BICRA: variants seen among roughly 807,000 people sequenced by gnomAD.
The protein encoded by BICRA is BRD4-interacting chromatin-remodeling complex-associated protein.
BICRA carries 31 observed loss-of-function variants against 96.9 expected under a neutral mutation model. That is an observed-to-expected ratio of 0.32 (90% confidence interval 0.24 to 0.43). The LOEUF (loss-of-function observed/expected upper bound fraction) is 0.43, where lower values mean the gene tolerates loss of function less well. Among genes scored for constraint, BICRA ranks in the 20% least tolerant of loss-of-function variants. The probability of loss-of-function intolerance (pLI) is 1.00; values close to 1 mark genes in which losing one functional copy is unlikely to be tolerated. For synonymous variants in BICRA, 1,350 were observed against 1,071.8 expected, an observed-to-expected ratio of 1.26 and a Z score of -5.07; for missense variants, 2,283 against 2,190.3, an observed-to-expected ratio of 1.04 and a Z score of -0.84.
At position 47,686,781 on chromosome 19, in the gene BICRA, G is replaced by GT. The variant is rs377294412; in HGVS notation, c.2283+4636dup. 3.0e-3 allele frequency among the ~76,000 whole-genome samples: 459 copies of GT among 152,120 alleles called. 5 individuals are homozygous for GT. The highest frequency in any genetic ancestry group is 0.011 in the African/African-American group (436 of 41,492). ...TAGGGGTGTGTTTTTATTTTTGGGGGTTTTTTTGCAAGCTACCATCTGGGA... is the reference window on the plus strand; with the variant it reads ...TAGGGGTGTGTTTTTATTTTTGGGGGTTTTTTTTGCAAGCTACCATCTGGGA... On this transcript the variant is annotated intron_variant, in intron 7 of 14. Transcript: ENST00000594866.
At chr19:47,618,552 G>A (rs1227017041) in intron 1 of BICRA, among the ~76,000 whole-genome samples, 1 of 152,068 alleles carries the variant, frequency 6.6e-6, no homozygotes, top group African/African-American at 2.4e-5. Context: ...CAGAGGAAGG[G>A]TTGATGCCCC....
intron 1 of BICRA, among the ~76,000 whole-genome samples, chr19:47,637,872 T>A (rs1395422159): frequency 2.0e-5 from 3 of 152,214 alleles, no homozygotes; most frequent in African/African-American, 4.8e-5. Flanking sequence ...CGATGCCTCA[T>A]TCCTTTTTAT....
chr19:47,682,144 G>C lies in BICRA; in HGVS notation c.2275G>C (p.Ala759Pro). Residue 759 changes from alanine to proline, a missense_variant, in exon 7 of 15, where the codon GCC becomes CCC. By Grantham distance (27) the Ala-to-Pro change is conservative (BLOSUM62 -1). Transcript: ENST00000594866. ...APDSQASPAP[A>P]PQIPAAAPLK... Reference sequence around the variant, plus strand: ...CGACAGCCAGGCTTCCCCGGCTCCGGCCCCCCAGGTAGAGGGACCCCAGCA... The same window carrying C: ...CGACAGCCAGGCTTCCCCGGCTCCGCCCCCCCAGGTAGAGGGACCCCAGCA... The C allele has an allele frequency of 6.9e-7, 1 of 1,458,878 alleles. No homozygotes were observed. The highest frequency in any genetic ancestry group is 9.3e-7 in the Non-Finnish European group (1 of 1,076,104). 90.4% of individuals were successfully genotyped at this position (1,458,878 alleles called of 1,614,324 possible).
At chr19:47,688,608 G>T (rs976018212) in intron 7 of BICRA, among the ~76,000 whole-genome samples, 2 of 151,706 alleles carry the variant, frequency 1.3e-5, no homozygotes, top group Non-Finnish European at 2.9e-5. Flanking sequence ...GGCCAACATG[G>T]TGAAACCCCG....
rs117366485 is a variant in BICRA at position 47,682,220 on chromosome 19, G to A, written c.2283+68G>A. On this transcript the variant is annotated intron_variant, in intron 7 of 14. Transcript: ENST00000594866. Reference sequence around the variant, plus strand: ...CCTCGCCCCTCCTGCCCGCTCTCCCGCTCCTCGCTCTCCGCCCTGCCTGCG... The same window carrying A: ...CCTCGCCCCTCCTGCCCGCTCTCCCACTCCTCGCTCTCCGCCCTGCCTGCG... The A allele has an allele frequency of 7.8e-3, 5,195 of 669,284 alleles. 152 individuals are homozygous for A. The highest frequency in any genetic ancestry group is 0.077 in the East Asian group (2,760 of 35,722). The allele number at this position is 669,284 out of a possible 1,614,324, so 41.5% of individuals were successfully genotyped here. A position where few individuals can be genotyped will look rare whatever the true frequency, so the allele number is the denominator to read the frequency against.
At chr19:47,667,088 G>T (rs1244011637) in intron 1 of BICRA, among the ~76,000 whole-genome samples, 3 of 149,790 alleles carry the variant, frequency 2.0e-5, no homozygotes, top group Middle Eastern at 3.5e-3. Context: ...GCACGATCTC[G>T]GCTCACTGCA....
chr19:47,694,296 GC>G lies in BICRA; in HGVS notation c.2471del (p.Pro824HisfsTer18), dbSNP rs1599864637. 3 of 628,894 alleles carry G rather than the reference GC, an allele frequency of 4.8e-6. No homozygotes were observed. Among genetic ancestry groups the G allele is most frequent in the South Asian group, 1.9e-5 (1 of 51,992 alleles). 39.0% of individuals were successfully genotyped at this position (628,894 alleles called of 1,614,324 possible). On this transcript the variant is annotated frameshift_variant, in exon 8 of 15. Coordinates refer to ENST00000594866, the MANE Select transcript of BICRA (RefSeq NM_001394372.1). LOFTEE classifies it high-confidence loss of function. ...CCCTCAGAGCCACCCTTGCACCCTT[GC>G]CCCCCACCCCAGGCCCCCCCAACTC... ...RPPSEPPLHP[C>X]PPPQAPPTLP...
chr19:47,616,464 C>T (rs2123505103), intron 1 of BICRA, among the ~76,000 whole-genome samples: 1 of 152,234 alleles, frequency 6.6e-6, no homozygotes, highest in Middle Eastern at 3.4e-3. Flanking sequence ...TGGTGAAGCC[C>T]TGTCTCTACT....
In BICRA at chr19:47,694,995, G is replaced by T. The variant is rs764233703; in HGVS notation, c.2991G>T (p.Ala997=). The T allele has an allele frequency of 6.5e-7, 1 of 1,540,898 alleles. No individual in the cohort carries two copies. Among genetic ancestry groups the T allele is most frequent in the Non-Finnish European group, 8.7e-7 (1 of 1,152,852 alleles). The part of the protein sequence containing the change: ...TSLGPLTSPA[A]SVLVSGQAPS... ...TGGGGCCCCTCACCAGCCCCGCTGC[G>T]TCTGTGCTGGTCAGTGGGCAGGCCC... The change falls in exon 9 of 15, where the codon GCG becomes GCT. Residue 997 remains alanine (A), a synonymous_variant. Transcript: ENST00000594866.
At chr19:47,657,849 G>A (rs532723229) in intron 1 of BICRA, among the ~76,000 whole-genome samples, 1 of 152,158 alleles carries the variant, frequency 6.6e-6, no homozygotes, top group African/African-American at 2.4e-5. Flanking sequence ...AGATGTCTAG[G>A]AGAAGGCCAT....
Position 47,702,057 on chromosome 19 carries a change from G to A in BICRA, c.4325G>A (p.Arg1442His), listed in dbSNP as rs1973465366. Residue 1442 changes from arginine to histidine, a missense_variant, in exon 15 of 15, where the codon CGT becomes CAT. By Grantham distance (29) the Arg-to-His change is conservative (BLOSUM62 0). Transcript: ENST00000594866. The stretch of plus-strand genomic sequence containing the variant: ...GCCGTGGAGGACGAGCTGTACCAGC[G>A]TATGCTGAAGGGCCCCCCGCCAGAG... ...LAAVEDELYQRMLKGPPPEPA... is the reference protein window; with the variant it reads ...LAAVEDELYQHMLKGPPPEPA... The A allele has an allele frequency of 4.0e-6, 6 of 1,509,684 alleles. No homozygotes were observed. The highest frequency in any genetic ancestry group is 1.4e-5 in the African/African-American group (1 of 69,442). The allele number at this position is 1,509,684 out of a possible 1,614,324, so 93.5% of individuals were successfully genotyped here. A position where few individuals can be genotyped will look rare whatever the true frequency, so the allele number is the denominator to read the frequency against.
chr19:47,610,114 G>A (rs956515509), intron 1 of BICRA, among the ~76,000 whole-genome samples: 2 of 152,238 alleles, frequency 1.3e-5, no homozygotes, highest in Admixed American at 1.3e-4. Context: ...CCTTTCCCCG[G>A]GGTGAGCCCG....
intron 1 of BICRA, among the ~76,000 whole-genome samples, chr19:47,634,073 C>G (rs954048893): frequency 1.3e-5 from 2 of 152,232 alleles, no homozygotes; most frequent in Admixed American, 6.5e-5. Context: ...CTGCATACTG[C>G]ACACACCGTT....
Position 47,699,586 on chromosome 19 carries a change from C to CAGAT in BICRA, c.3595+184_3595+187dup, listed in dbSNP as rs992275842. Among the ~76,000 whole-genome samples, 4 of 152,138 alleles carry CAGAT rather than the reference C, an allele frequency of 2.6e-5. No homozygotes were observed. Among genetic ancestry groups the CAGAT allele is most frequent in the African/African-American group, 7.2e-5 (3 of 41,434 alleles). ...TCCCCTGACCTCCCGCCTCTCAGAC[C>CAGAT]AGATAGCCCACATCCATCTTCCTCC... On this transcript the variant is annotated intron_variant, in intron 14 of 14. Coordinates refer to ENST00000594866, the MANE Select transcript of BICRA (RefSeq NM_001394372.1). The surrounding 1 kb of genome is among the most constrained non-coding windows in gnomAD (Gnocchi z 5.0).
chr19:47,693,311 A>C (rs1973268316), intron 7 of BICRA, among the ~76,000 whole-genome samples: 1 of 152,236 alleles, frequency 6.6e-6, no homozygotes, highest in Non-Finnish European at 1.5e-5. Flanking sequence ...CTAGCACCAG[A>C]TCGCGTGTGC....
At chr19:47,691,742 G>A (rs1365244843) in intron 7 of BICRA, among the ~76,000 whole-genome samples, 3 of 152,028 alleles carry the variant, frequency 2.0e-5, no homozygotes, top group Non-Finnish European at 4.4e-5. Flanking sequence ...TGTGTTTTTA[G>A]TACAGATGGG....
chr19:47,620,425 G>A (rs1012019386), intron 1 of BICRA, among the ~76,000 whole-genome samples: 3 of 152,044 alleles, frequency 2.0e-5, no homozygotes, highest in Non-Finnish European at 4.4e-5. Context: ...CCAGCACTTT[G>A]GGAGGTCAGG....
At chr19:47,645,224 C>T (rs1388062486) in intron 1 of BICRA, among the ~76,000 whole-genome samples, 1 of 152,198 alleles carries the variant, frequency 6.6e-6, no homozygotes, top group East Asian at 1.9e-4. Context: ...AGGGTTTCCT[C>T]AGCCTTTCTT....
chr19:47,624,131 G>A (rs139937828), intron 1 of BICRA, among the ~76,000 whole-genome samples: 15 of 152,196 alleles, frequency 9.9e-5, no homozygotes, highest in African/African-American at 2.6e-4. Context: ...GATTACAGGC[G>A]TGAGCCAACA....
Sources: allele counts gnomAD v4.1 joint callset (sites outside exome capture counted in the v4.1 genomes callset), GRCh38; gene constraint gnomAD v4.1.1; non-coding constraint Gnocchi (gnomAD v3.1); transcripts MANE v1.5; gene names NCBI Gene and HGNC (gene_info 2026-07-23, HGNC 2026-07-21).